ROBO2: variants seen among roughly 807,000 people sequenced by gnomAD.
The protein encoded by ROBO2 is roundabout guidance receptor 2, also known as roundabout homolog 2.
ROBO2 carries 53 observed loss-of-function variants against 160.8 expected under a neutral mutation model. That is an observed-to-expected ratio of 0.33 (90% CI 0.26 to 0.41). The LOEUF is 0.41. Ranked by LOEUF, ROBO2 falls within the 10% of genes least tolerant of loss-of-function variation. ROBO2 has a pLI of 1.00. For synonymous variants in ROBO2, 664 were observed against 611.7 expected (o/e 1.09, Z -1.26); for missense variants, 1,577 against 1,722.4 (o/e 0.92, Z 1.49).
intron 2 of ROBO2, among the ~76,000 whole-genome samples, chr3:76,222,443 A>C (rs1014498142): frequency 2.6e-5 from 4 of 152,196 alleles, no homozygotes; most frequent in African/African-American, 4.8e-5. Context: ...ATACGTTGGC[A>C]TAATTCCAGG....
intron 2 of ROBO2, among the ~76,000 whole-genome samples, chr3:76,450,068 A>G (rs570411589): frequency 2.0e-5 from 3 of 151,564 alleles, no homozygotes; most frequent in South Asian, 4.2e-4. Flanking sequence ...AACACCAGCT[A>G]ATATAAACAC....
At chr3:77,243,221 T>G (rs2151383861) in intron 2 of ROBO2, among the ~76,000 whole-genome samples, 1 of 152,250 alleles carries the variant, frequency 6.6e-6, no homozygotes, top group Admixed American at 6.5e-5. Context: ...TACCTGACCA[T>G]ATTGCAAAAT....
chr3:77,577,528 G>C, exon 15 of ROBO2: 1 of 1,613,354 alleles, frequency 6.2e-7, no homozygotes, highest in Non-Finnish European at 8.5e-7. Context: ...TGTACTGACA[G>C]TTGGAAGCTA....
chr3:77,409,646 G>A (rs1581716607), intron 2 of ROBO2, among the ~76,000 whole-genome samples: 1 of 152,072 alleles, frequency 6.6e-6, no homozygotes, highest in East Asian at 1.9e-4. Flanking sequence ...ATGTTCACCA[G>A]ATCCATGACC....
At position 77,120,664 on chromosome 3, in the gene ROBO2, C is replaced by A. The variant is rs541689123; in HGVS notation, c.388+22324C>A. On this transcript the variant is annotated intron_variant, in intron 2 of 25. Transcript: ENST00000461745. ...ATAGGAGTTGGCTTTGAAGAAAAATCAACTTTGCCACCTATTGCCTTGTCT... is the reference window on the plus strand; with the variant it reads ...ATAGGAGTTGGCTTTGAAGAAAAATAAACTTTGCCACCTATTGCCTTGTCT... Among the ~76,000 whole-genome samples the A allele has an allele frequency of 8.5e-5, 13 of 152,258 alleles. 1 individual carries two copies. Among genetic ancestry groups the A allele is most frequent in the Admixed American group, 6.5e-4 (10 of 15,290 alleles).
intron 2 of ROBO2, among the ~76,000 whole-genome samples, chr3:76,922,044 G>A (rs1446929583): frequency 6.6e-6 from 1 of 152,170 alleles, no homozygotes; most frequent in African/African-American, 2.4e-5. Flanking sequence ...AGGCGCGATG[G>A]TTCATGCCTG....
At chr3:77,159,000 G>A (rs572597243) in intron 2 of ROBO2, among the ~76,000 whole-genome samples, 1 of 152,182 alleles carries the variant, frequency 6.6e-6, no homozygotes, top group Non-Finnish European at 1.5e-5. Context: ...AGCTGACAGA[G>A]AGGCAAGTGT....
At chr3:76,631,343 C>T (rs1215180314) in intron 2 of ROBO2, among the ~76,000 whole-genome samples, 1 of 151,770 alleles carries the variant, frequency 6.6e-6, no homozygotes, top group East Asian at 1.9e-4. Flanking sequence ...CTTTTGTTGG[C>T]GTTAAAATGC....
intron 2 of ROBO2, among the ~76,000 whole-genome samples, chr3:76,416,743 C>T (rs1199292848): frequency 6.6e-6 from 1 of 152,146 alleles, no homozygotes; most frequent in Admixed American, 6.5e-5. Context: ...GACTAAGTCA[C>T]CTGAAGATGC....
At chr3:76,343,587 G>T (rs537721585) in intron 2 of ROBO2, among the ~76,000 whole-genome samples, 1 of 151,392 alleles carries the variant, frequency 6.6e-6, no homozygotes, top group South Asian at 2.1e-4. Flanking sequence ...GGTAAAAACC[G>T]CAATTACGTT....
chr3:76,587,470 G>T (rs182060748), intron 2 of ROBO2, among the ~76,000 whole-genome samples: 1 of 152,088 alleles, frequency 6.6e-6, no homozygotes, highest in Non-Finnish European at 1.5e-5. Flanking sequence ...GGAAGCAAAC[G>T]CACCTTCCTC....
intron 2 of ROBO2, among the ~76,000 whole-genome samples, chr3:76,362,949 G>T (rs2075606822): frequency 6.6e-6 from 1 of 152,010 alleles, no homozygotes; most frequent in South Asian, 2.1e-4. Context: ...TCTTGGGGCA[G>T]GTCAGGCGAC....
intron 2 of ROBO2, among the ~76,000 whole-genome samples, chr3:76,725,758 A>G (rs1165636284): frequency 6.6e-6 from 1 of 152,080 alleles, no homozygotes; most frequent in Non-Finnish European, 1.5e-5. Flanking sequence ...GCCTCAGTGG[A>G]ATTCTACACT....
At chr3:77,648,102 T>C (rs2095424891) in exon 26 of ROBO2, 1 of 152,158 alleles carries the variant, frequency 6.6e-6, no homozygotes. Flanking sequence ...GCAGTGTGAT[T>C]TCTCTGGGAC....
intron 2 of ROBO2, among the ~76,000 whole-genome samples, chr3:77,146,850 C>A (rs62251807): frequency 0.022 from 3,304 of 152,234 alleles, 51 homozygotes; most frequent in Middle Eastern, 0.054. Flanking sequence ...CGCCTGCAGT[C>A]CCAGCTACTC....
intron 2 of ROBO2, among the ~76,000 whole-genome samples, chr3:76,465,429 T>C (rs1189286050): frequency 6.6e-6 from 1 of 152,080 alleles, no homozygotes; most frequent in Admixed American, 6.6e-5. Context: ...GGATAAGGCA[T>C]TTTATACCCA....
At chr3:76,423,145 A>G (rs17735721) in intron 2 of ROBO2, among the ~76,000 whole-genome samples, 5,948 of 152,182 alleles carry the variant, frequency 0.039, 134 homozygotes, top group Middle Eastern at 0.078. Context: ...AGGTTCTTCT[A>G]TTTTCTCAGT....
At chr3:76,687,650 A>G (rs2092713954) in intron 2 of ROBO2, among the ~76,000 whole-genome samples, 1 of 152,094 alleles carries the variant, frequency 6.6e-6, no homozygotes. Flanking sequence ...TGAGCCATTA[A>G]GAACACATTG....
chr3:76,183,983 C>A (rs1416218018), intron 2 of ROBO2, among the ~76,000 whole-genome samples: 1 of 152,050 alleles, frequency 6.6e-6, no homozygotes, highest in African/African-American at 2.4e-5. Context: ...TACAGTAAAG[C>A]AAAATGATAG....
Sources: gnomAD v4.1 joint callset for allele counts (sites outside exome capture counted in the v4.1 genomes callset) on GRCh38, gnomAD v4.1.1 for gene constraint, MANE v1.5 for transcripts, NCBI Gene and HGNC (gene_info 2026-07-23, HGNC 2026-07-21) for gene names.